WIPI2: variants seen among roughly 807,000 people sequenced by gnomAD.
The protein encoded by WIPI2 is WD repeat domain, phosphoinositide interacting 2.
Under a neutral mutation model 52.3 loss-of-function variants are expected in WIPI2, and 28 were observed. The observed-to-expected ratio is 0.54, with a 90% confidence interval of 0.40 to 0.73. WIPI2 has a LOEUF of 0.73. WIPI2 is among the 30% of genes least tolerant of loss of function. The pLI, the probability that WIPI2 is intolerant of heterozygous loss-of-function variation, is 0.00. For synonymous variants in WIPI2, 268 were observed against 245.0 expected (o/e 1.09, Z -0.88); for missense variants, 506 against 602.9 (o/e 0.84, Z 1.68).
chr7:5,227,057 A>G lies in WIPI2; in HGVS notation c.849-123A>G. ...GTCTGCTTATAACCAACCCTGTTTA[A>G]TTTTCCTGTGAAGAATGGAGACTTT... On this transcript the variant is annotated intron_variant, in intron 9 of 12. Transcript: ENST00000288828. The surrounding 1 kb of genome is among the most constrained non-coding windows in gnomAD (Gnocchi z 8.1). The G allele has an allele frequency of 2.9e-6, 4 of 1,370,472 alleles. No homozygotes were observed. Among genetic ancestry groups the G allele is most frequent in the Non-Finnish European group, 9.9e-7 (1 of 1,005,448 alleles). 84.9% of individuals were successfully genotyped at this position (1,370,472 alleles called of 1,614,324 possible).
rs1011391575 is a variant in WIPI2 at position 5,231,364 on chromosome 7, G to C, written c.*417G>C. The C allele has an allele frequency of 1.3e-5, 2 of 156,848 alleles. No homozygotes were observed. The highest frequency in any genetic ancestry group is 4.8e-5 in the African/African-American group (2 of 41,644). The allele number at this position is 156,848 out of a possible 1,614,324, so 9.7% of individuals were successfully genotyped here. A position where few individuals can be genotyped will look rare whatever the true frequency, so the allele number is the denominator to read the frequency against. On this transcript the variant is annotated 3_prime_UTR_variant, in exon 13 of 13. Coordinates refer to ENST00000288828, the MANE Select transcript of WIPI2 (RefSeq NM_015610.4). The stretch of plus-strand genomic sequence containing the variant: ...GGAAACCGTGGCGTCGCGCACAGTG[G>C]GTCTGCTTGTCAAGGCCAGTTCTGC...
In WIPI2 at chr7:5,227,357, G is replaced by A. The variant is rs201087277; in HGVS notation, c.1013+13G>A. 56 of 1,610,228 alleles carry A rather than the reference G, an allele frequency of 3.5e-5. No homozygotes were observed. In the Middle Eastern group the frequency reaches 6.6e-4, roughly 19 times the overall value. On this transcript the variant is annotated intron_variant, in intron 10 of 12. Coordinates refer to ENST00000288828, the MANE Select transcript of WIPI2 (RefSeq NM_015610.4). The surrounding 1 kb of genome is among the most constrained non-coding windows in gnomAD (Gnocchi z 8.1). ...GCTCGCTAGCCACGTGAGTAGAGCCGGCGCCTCCGTCCCCCACCCCGTGTG... is the reference window on the plus strand; with the variant it reads ...GCTCGCTAGCCACGTGAGTAGAGCCAGCGCCTCCGTCCCCCACCCCGTGTG...
intron 4 of WIPI2, 62 bp from the exon 5 acceptor site, chr7:5,216,501 A>G: frequency 7.6e-7 from 1 of 1,308,934 alleles, no homozygotes; most frequent in South Asian, 1.2e-5. Context: ...TCAACTGGAG[A>G]TTGGGGCAGG....
intron 8 of WIPI2, among the ~76,000 whole-genome samples, chr7:5,224,364 T>C (rs1171922165): frequency 1.3e-5 from 2 of 152,252 alleles, no homozygotes; most frequent in African/African-American, 4.8e-5. Flanking sequence ...CACGTATTTT[T>C]CTCACATTCC....
At position 5,216,578 on chromosome 7, in the gene WIPI2, C is replaced by T. The variant is rs146199183; in HGVS notation, c.397C>T (p.Leu133=). Residue 133 remains leucine, a synonymous_variant, in exon 5 of 13, where the codon CTG becomes TTG. Transcript: ENST00000288828. ...KLNRQRLIVC[L]EESLYIHNIR... ...TCTCGCCTAGAGGCTGATAGTATGC[C>T]TGGAGGAGTCCCTGTACATCCACAA... The T allele has an allele frequency of 9.7e-4, 1,573 of 1,614,188 alleles. 1 individual carries two copies. The highest frequency in any genetic ancestry group is 1.3e-3 in the Admixed American group (76 of 60,016).
At chr7:5,214,908 G>A (rs1033206340) in intron 4 of WIPI2, among the ~76,000 whole-genome samples, 3 of 152,294 alleles carry the variant, frequency 2.0e-5, no homozygotes, top group Middle Eastern at 3.4e-3. Flanking sequence ...ACAAATGCCC[G>A]GGCCTCTGCC....
Position 5,201,125 on chromosome 7 carries a change from G to A in WIPI2, c.211+1467G>A, listed in dbSNP as rs922365350. On this transcript the variant is annotated intron_variant, in intron 3 of 12. Transcript: ENST00000288828. The stretch of plus-strand genomic sequence containing the variant: ...CTGTCACCTGGCTGCCTTCACGTGA[G>A]CCACACGGGATTGCTCCCCACAGTG... 5.9e-5 allele frequency among the ~76,000 whole-genome samples: 9 copies of A among 152,336 alleles called. No homozygotes were observed. The East Asian group carries it at 1.7e-3, about 29-fold the overall frequency.
In WIPI2 at chr7:5,202,731, C is replaced by T. The variant is rs572791145; in HGVS notation, c.211+3073C>T. Reference sequence around the variant, plus strand: ...GATTACAGGCGTGAGCCACCGCGCCCGGCCTCTCATATGATCATTTTCTTT... The same window carrying T: ...GATTACAGGCGTGAGCCACCGCGCCTGGCCTCTCATATGATCATTTTCTTT... On this transcript the variant is annotated intron_variant, in intron 3 of 12. Transcript: ENST00000288828. Among the ~76,000 whole-genome samples, 228 of 152,252 alleles carry T rather than the reference C, an allele frequency of 1.5e-3. 2 individuals carry two copies. The highest frequency in any genetic ancestry group is 2.4e-3 in the Non-Finnish European group (164 of 68,018).
At chr7:5,210,230 A>C (rs1052431700) in intron 3 of WIPI2, among the ~76,000 whole-genome samples, 13 of 152,144 alleles carry the variant, frequency 8.5e-5, no homozygotes, top group African/African-American at 2.9e-4. Context: ...TCCTATAGAT[A>C]GTTGCCTAAG....
In WIPI2 at chr7:5,222,643, A is replaced by T; in HGVS notation, c.711A>T (p.Lys237Asn). The T allele has an allele frequency of 6.2e-7, 1 of 1,613,980 alleles. No homozygotes were observed. The highest frequency in any genetic ancestry group is 8.5e-7 in the Non-Finnish European group (1 of 1,179,942). ...IRVFSIPEGQ[K>N]LFEFRRGVKR... ...TATTTTCCATTCCAGAAGGACAAAA[A>T]CTCTTTGAGTTTCGGAGAGGAGTAA... The change falls in exon 8 of 13, where the codon AAA becomes AAT. Residue 237 changes from lysine (K) to asparagine (N), a missense_variant. Lys to Asn is a moderately conservative substitution (Grantham distance 94, BLOSUM62 0). Around this residue, in one of 4 missense-constraint regions of WIPI2, gnomAD observed 237 missense variants for 346.9 expected, o/e 0.68. Coordinates refer to ENST00000288828, the MANE Select transcript of WIPI2 (RefSeq NM_015610.4).
rs1468071061 is a variant in WIPI2 at position 5,214,594 on chromosome 7, G to A, written c.271G>A (p.Val91Ile). ...GTTCTCCAGCAGCCTAGTGGCCATCGTCAGCCTTAAAGCACCAAGGAAGCT... is the reference window on the plus strand; with the variant it reads ...GTTCTCCAGCAGCCTAGTGGCCATCATCAGCCTTAAAGCACCAAGGAAGCT... ...RLFSSSLVAI[V>I]SLKAPRKLKV... is the part of the protein sequence containing the mutation. The change falls in exon 4 of 13, where the codon GTC becomes ATC. Residue 91 changes from valine to isoleucine, a missense_variant. By Grantham distance (29) the Val-to-Ile change is conservative. Coordinates refer to ENST00000288828, the MANE Select transcript of WIPI2 (RefSeq NM_015610.4). 6.2e-7 allele frequency: 1 copy of A among 1,614,248 alleles called. No homozygotes were observed.
intron 3 of WIPI2, among the ~76,000 whole-genome samples, chr7:5,208,664 A>G (rs1782409339): frequency 1.3e-5 from 2 of 152,002 alleles, no homozygotes; most frequent in Non-Finnish European, 2.9e-5. Context: ...TTCCATCATC[A>G]TTTGTTGAGA....
In WIPI2 at chr7:5,227,415, G is replaced by A. The variant is rs942458247; in HGVS notation, c.1013+71G>A. 2.6e-6 allele frequency: 4 copies of A among 1,567,032 alleles called. No individual in the cohort carries two copies. In the African/African-American group the frequency reaches 4.1e-5, roughly 16 times the overall value. On this transcript the variant is annotated intron_variant, in intron 10 of 12. Transcript: ENST00000288828. This position sits in a 1 kb window ranked among gnomAD's most constrained non-coding sequence, Gnocchi z 8.1. The stretch of plus-strand genomic sequence containing the variant: ...CCGAGGGGCCCAGTCCTGGCGGCTT[G>A]TGGCCCCTTCCGTGCTTCTGAACAG...
At chr7:5,228,246 C>T (rs778953480) in intron 11 of WIPI2, 35 bp downstream of exon 11, 35 of 1,566,140 alleles carry the variant, frequency 2.2e-5, no homozygotes, top group East Asian at 1.4e-4. Context: ...GGAGCTGCTC[C>T]GTGCTGGCGG....
intron 3 of WIPI2, among the ~76,000 whole-genome samples, chr7:5,214,006 C>A (rs529393341): frequency 6.6e-6 from 1 of 152,174 alleles, no homozygotes; most frequent in African/African-American, 2.4e-5. Context: ...TTTCTTAGAA[C>A]GTATGTCAGC....
chr7:5,227,950 G>A lies in WIPI2; in HGVS notation c.1014-154G>A, dbSNP rs956437930. Among the ~76,000 whole-genome samples, 1 of 152,226 alleles carries A rather than the reference G, an allele frequency of 6.6e-6. No homozygotes were observed. The highest frequency in any genetic ancestry group is 1.5e-5 in the Non-Finnish European group (1 of 68,036). ...CACACGAGTGCAGCCTTGGCCGTGTGAGCCGAGGTCAGTGGGGCGCCAGAC... is the reference window on the plus strand; with the variant it reads ...CACACGAGTGCAGCCTTGGCCGTGTAAGCCGAGGTCAGTGGGGCGCCAGAC... On this transcript the variant is annotated intron_variant, in intron 10 of 12. Transcript: ENST00000288828. The surrounding 1 kb of genome is among the most constrained non-coding windows in gnomAD (Gnocchi z 8.1).
intron 8 of WIPI2, among the ~76,000 whole-genome samples, chr7:5,224,897 G>A (rs953869544): frequency 2.6e-5 from 4 of 152,128 alleles, no homozygotes; most frequent in Non-Finnish European, 5.9e-5. Context: ...AGGCGGTTTC[G>A]TTTGCACCTC....
intron 11 of WIPI2, among the ~76,000 whole-genome samples, chr7:5,228,911 T>A (rs111876976): frequency 1.3e-5 from 2 of 151,734 alleles, no homozygotes; most frequent in Non-Finnish European, 2.9e-5. Context: ...TTGTGCAGGG[T>A]CTTGCTAGGT....
intron 3 of WIPI2, among the ~76,000 whole-genome samples, chr7:5,210,170 A>G (rs1031981267): frequency 5.9e-5 from 9 of 152,158 alleles, no homozygotes; most frequent in Non-Finnish European, 2.9e-5. Flanking sequence ...CAGCCTCCCA[A>G]AGTGATGGGA....
Sources: allele counts gnomAD v4.1 joint callset (sites outside exome capture counted in the v4.1 genomes callset), GRCh38; gene constraint gnomAD v4.1.1; regional missense constraint gnomAD v4.1.1; non-coding constraint Gnocchi (gnomAD v3.1); transcripts MANE v1.5; gene names NCBI Gene and HGNC (gene_info 2026-07-23, HGNC 2026-07-21).